Variants in ATP6V1H observed in about 807,000 individuals in gnomAD.
ATP6V1H encodes V-type proton ATPase subunit H.
ATP6V1H carries 39 observed loss-of-function variants against 71.7 expected under a neutral mutation model. That is an observed-to-expected ratio of 0.54 (90% CI 0.42 to 0.71). The LOEUF is 0.71. ATP6V1H is among the 30% of genes least tolerant of loss of function. The probability of loss-of-function intolerance (pLI) is 0.00; values close to 1 mark genes in which losing one functional copy is unlikely to be tolerated. For missense variants in ATP6V1H, 509 were observed against 594.9 expected (o/e 0.86, Z 1.50); for synonymous variants, 192 against 199.3 (o/e 0.96, Z 0.31).
chr8:53,779,923 C>T (rs1439767838), intron 9 of ATP6V1H, among the ~76,000 whole-genome samples: 2 of 152,058 alleles, frequency 1.3e-5, no homozygotes, highest in Non-Finnish European at 2.9e-5. Flanking sequence ...CTTTGGGAGG[C>T]CAAGGCAGGC....
At chr8:53,738,920 C>A (rs1283012967) in intron 13 of ATP6V1H, among the ~76,000 whole-genome samples, 2 of 152,138 alleles carry the variant, frequency 1.3e-5, no homozygotes, top group African/African-American at 4.8e-5. Context: ...TCCTCTTTAC[C>A]TGGAATGGGT....
intron 12 of ATP6V1H, among the ~76,000 whole-genome samples, chr8:53,747,270 GT>G (rs2130202529): frequency 6.6e-6 from 1 of 152,178 alleles, no homozygotes; most frequent in Non-Finnish European, 1.5e-5. Flanking sequence ...AAATGGTTAA[GT>G]TGCACAATGC....
At chr8:53,751,888 T>C (rs1246141101) in intron 12 of ATP6V1H, among the ~76,000 whole-genome samples, 1 of 152,162 alleles carries the variant, frequency 6.6e-6, no homozygotes, top group Admixed American at 6.5e-5. Flanking sequence ...CAGGCTGTTC[T>C]TGAACTCCTG....
At chr8:53,722,085 C>T (rs1806639598) in intron 13 of ATP6V1H, among the ~76,000 whole-genome samples, 1 of 152,198 alleles carries the variant, frequency 6.6e-6, no homozygotes, top group Non-Finnish European at 1.5e-5. Context: ...AGGAATTCCA[C>T]TAATCAAATC....
intron 9 of ATP6V1H, among the ~76,000 whole-genome samples, chr8:53,775,228 T>C (rs765675828): frequency 2.6e-5 from 4 of 152,168 alleles, no homozygotes; most frequent in Non-Finnish European, 4.4e-5. Context: ...ATGGTCTCGC[T>C]GGCTCAGGAG....
chr8:53,826,662 T>C (rs1173900351), intron 4 of ATP6V1H, among the ~76,000 whole-genome samples: 4 of 151,944 alleles, frequency 2.6e-5, no homozygotes, highest in Admixed American at 6.6e-5. Flanking sequence ...ACCAATGATA[T>C]TGGGCTGAGC....
At chr8:53,785,644 C>CT (rs1809352813) in intron 9 of ATP6V1H, among the ~76,000 whole-genome samples, 1 of 151,504 alleles carries the variant, frequency 6.6e-6, no homozygotes, top group African/African-American at 2.5e-5. Context: ...TTTTTCTGCT[C>CT]TGTTTTTTCC....
chr8:53,803,348 A>C (rs1400997417), intron 7 of ATP6V1H, among the ~76,000 whole-genome samples: 1 of 152,040 alleles, frequency 6.6e-6, no homozygotes, highest in Non-Finnish European at 1.5e-5. Context: ...AAAAAAAAAT[A>C]AAAACAGAAG....
chr8:53,722,979 T>C (rs957128513), intron 13 of ATP6V1H, among the ~76,000 whole-genome samples: 5 of 152,228 alleles, frequency 3.3e-5, no homozygotes, highest in African/African-American at 1.2e-4. Flanking sequence ...ATAATTATAC[T>C]TGAAGAATCT....
At chr8:53,811,304 T>C in intron 6 of ATP6V1H, 87 bp from the exon 7 acceptor site, 1 of 1,073,312 alleles carries the variant, frequency 9.3e-7, no homozygotes, top group Non-Finnish European at 1.4e-6. Flanking sequence ...AAGCAAACTT[T>C]TCCCCTAATT....
intron 13 of ATP6V1H, among the ~76,000 whole-genome samples, chr8:53,722,949 AAG>A (rs1359270325): frequency 6.6e-6 from 1 of 152,244 alleles, no homozygotes; most frequent in African/African-American, 2.4e-5. Flanking sequence ...ATGTAGTAGA[AAG>A]TGAATTAAAT....
chr8:53,841,574 T>C lies in ATP6V1H; in HGVS notation c.113+4A>G. 1 of 1,614,016 alleles carries C rather than the reference T, an allele frequency of 6.2e-7. No individual in the cohort carries two copies. Among genetic ancestry groups the C allele is most frequent in the Non-Finnish European group, 8.5e-7 (1 of 1,179,894 alleles). On this transcript the variant is annotated splice_donor_region_variant and intron_variant, in intron 2 of 13. Transcript: ENST00000359530. ...TCCATGATTCACAGCAAATTGGTAC[T>C]TACTGAAGATAGGATTGCCAGTTGA...
intron 7 of ATP6V1H, among the ~76,000 whole-genome samples, chr8:53,803,929 A>G (rs903911036): frequency 2.0e-5 from 3 of 152,188 alleles, no homozygotes; most frequent in African/African-American, 7.2e-5. Flanking sequence ...ATTTACCATC[A>G]GTTTCCTCTC....
intron 11 of ATP6V1H, among the ~76,000 whole-genome samples, chr8:53,767,310 C>T (rs963437899): frequency 6.6e-6 from 1 of 152,146 alleles, no homozygotes; most frequent in Admixed American, 6.5e-5. Context: ...AAACAGGAAA[C>T]TGTGTGTTGG....
intron 11 of ATP6V1H, among the ~76,000 whole-genome samples, chr8:53,758,872 T>A (rs1051830927): frequency 6.6e-6 from 1 of 152,198 alleles, no homozygotes; most frequent in African/African-American, 2.4e-5. Flanking sequence ...GTTGAGTAAT[T>A]TGGGACAGAA....
intron 4 of ATP6V1H, 102 bp from the exon 5 acceptor site, chr8:53,817,632 T>C (rs1441061090): frequency 7.1e-6 from 5 of 705,200 alleles, no homozygotes; most frequent in Non-Finnish European, 1.2e-5. Context: ...TGTGTTCTTT[T>C]TTCAGTGTGT....
At chr8:53,721,623 A>G (rs1253397205) in intron 13 of ATP6V1H, among the ~76,000 whole-genome samples, 1 of 152,220 alleles carries the variant, frequency 6.6e-6, no homozygotes. Context: ...TAAGGTTAGG[A>G]CAACTAGATT....
intron 1 of ATP6V1H, among the ~76,000 whole-genome samples, chr8:53,842,266 G>C (rs1350169572): frequency 1.3e-5 from 2 of 152,176 alleles, no homozygotes; most frequent in Non-Finnish European, 2.9e-5. Flanking sequence ...AAAATTCATA[G>C]TATTTGCAAA....
chr8:53,741,846 T>C (rs1807423630), intron 13 of ATP6V1H, among the ~76,000 whole-genome samples: 1 of 152,184 alleles, frequency 6.6e-6, no homozygotes, highest in South Asian at 2.1e-4. Flanking sequence ...GCTCTGAATC[T>C]ACCCCAAGTC....
Sources: allele counts gnomAD v4.1 joint callset (sites outside exome capture counted in the v4.1 genomes callset), GRCh38; gene constraint gnomAD v4.1.1; transcripts MANE v1.5; gene names NCBI Gene and HGNC (gene_info 2026-07-23, HGNC 2026-07-21).